PTPRT: variants seen among roughly 807,000 people sequenced by gnomAD.
PTPRT encodes the protein protein tyrosine phosphatase receptor type T, also known as receptor-type tyrosine-protein phosphatase T.
PTPRT carries 56 observed loss-of-function variants against 176.8 expected under a neutral mutation model. The observed-to-expected ratio is 0.32, with a 90% CI of 0.26 to 0.40. PTPRT has a LOEUF of 0.40. PTPRT is among the 10% of genes least tolerant of loss of function. The pLI, the probability that PTPRT is intolerant of heterozygous loss-of-function variation, is 1.00. For synonymous variants in PTPRT, 783 were observed against 739.0 expected, an observed-to-expected ratio of 1.06 and a Z score of -0.96; for missense variants, 1,540 against 1,908.2, an observed-to-expected ratio of 0.81 and a Z score of 3.60.
At chr20:42,732,884 A>G (rs1315457219) in intron 6 of PTPRT, among the ~76,000 whole-genome samples, 4 of 152,218 alleles carry the variant, frequency 2.6e-5, no homozygotes, top group Non-Finnish European at 5.9e-5. Context: ...AATACACTAC[A>G]AAAGATCCCT....
rs1274064781 is a variant in PTPRT, at chr20:42,314,171, A to G, written c.2139+1552T>C. ...ATTTCTATAAGCTCTTGGAGGGTAC[A>G]TACTACATAAACTTAATATGAACTG... is the stretch of plus-strand genomic sequence containing the variant. On this transcript the variant is annotated intron_variant, in intron 12 of 30. Coordinates refer to ENST00000373187, the MANE Select transcript of PTPRT (RefSeq NM_007050.6). Among the ~76,000 whole-genome samples the G allele has an allele frequency of 2.0e-5, 3 of 152,210 alleles. No individual in the cohort carries two copies. In the East Asian group the frequency reaches 5.8e-4, roughly 29 times the overall value.
chr20:42,558,613 C>A (rs553634556), intron 7 of PTPRT, among the ~76,000 whole-genome samples: 2 of 151,982 alleles, frequency 1.3e-5, no homozygotes, highest in South Asian at 4.2e-4. Flanking sequence ...CTTGACAAAC[C>A]CATAAAGAAG....
chr20:42,329,836 T>C (rs944304424), intron 11 of PTPRT, among the ~76,000 whole-genome samples: 5 of 152,142 alleles, frequency 3.3e-5, no homozygotes, highest in African/African-American at 9.7e-5. Flanking sequence ...TAAACATCAT[T>C]TAAAATAAAA....
intron 7 of PTPRT, among the ~76,000 whole-genome samples, chr20:42,645,043 G>A (rs2074857920): frequency 6.6e-6 from 1 of 152,138 alleles, no homozygotes; most frequent in Non-Finnish European, 1.5e-5. Flanking sequence ...TAGTAAGTCT[G>A]TAACTTCTCC....
At chr20:42,151,864 C>G (rs1241134859) in intron 17 of PTPRT, among the ~76,000 whole-genome samples, 1 of 152,166 alleles carries the variant, frequency 6.6e-6, no homozygotes, top group Admixed American at 6.5e-5. Context: ...AAAACTGGGA[C>G]CGTTTTGGGA....
At chr20:42,820,320 T>C (rs1391173470) in intron 2 of PTPRT, among the ~76,000 whole-genome samples, 1 of 152,148 alleles carries the variant, frequency 6.6e-6, no homozygotes, top group Admixed American at 6.5e-5. Context: ...GAATGACTCC[T>C]GGGTAAATAA....
chr20:42,493,707 G>GT (rs1370278713), intron 7 of PTPRT, among the ~76,000 whole-genome samples: 2 of 152,094 alleles, frequency 1.3e-5, no homozygotes, highest in African/African-American at 4.8e-5. Flanking sequence ...AAGAAGTGGT[G>GT]TGCCTTCTTA....
At chr20:42,508,198 C>CAAA (rs11480753) in intron 7 of PTPRT, among the ~76,000 whole-genome samples, 3 of 136,456 alleles carry the variant, frequency 2.2e-5, no homozygotes, top group African/African-American at 8.1e-5. Context: ...TTTAGATATG[C>CAAA]AAAAAAAAAA....
intron 2 of PTPRT, among the ~76,000 whole-genome samples, chr20:42,816,022 G>A (rs985079914): frequency 3.3e-5 from 5 of 152,028 alleles, no homozygotes; most frequent in African/African-American, 1.2e-4. Context: ...GAGTCTGGAG[G>A]AAACTTTCAG....
intron 12 of PTPRT, among the ~76,000 whole-genome samples, chr20:42,306,718 A>G (rs555292010): frequency 1.6e-4 from 24 of 152,318 alleles, no homozygotes; most frequent in Admixed American, 5.2e-4. Flanking sequence ...CTGCTGAGTT[A>G]TAGAAGCATT....
intron 1 of PTPRT, among the ~76,000 whole-genome samples, chr20:43,090,465 T>C (rs1293804891): frequency 1.3e-5 from 2 of 152,072 alleles, no homozygotes; most frequent in African/African-American, 4.8e-5. Context: ...AGACAGGGTT[T>C]CACCGTTTTA....
chr20:42,261,967 G>A (rs1305968341), intron 13 of PTPRT, among the ~76,000 whole-genome samples: 1 of 152,158 alleles, frequency 6.6e-6, no homozygotes, highest in Non-Finnish European at 1.5e-5. Context: ...GAGGAAGCAG[G>A]CAATCTATAG....
intron 17 of PTPRT, among the ~76,000 whole-genome samples, chr20:42,154,027 G>T (rs943445012): frequency 2.0e-5 from 3 of 152,172 alleles, no homozygotes; most frequent in African/African-American, 7.2e-5. Context: ...TGGAGGTGGG[G>T]TGGAGTGGAG....
At chr20:42,251,717 T>TAAA (rs5841455) in intron 13 of PTPRT, among the ~76,000 whole-genome samples, 4 of 143,584 alleles carry the variant, frequency 2.8e-5, no homozygotes, top group African/African-American at 7.9e-5. Flanking sequence ...CTGTTGTACT[T>TAAA]AAAAAACAAA....
At chr20:42,456,632 G>C (rs1230485481) in intron 8 of PTPRT, among the ~76,000 whole-genome samples, 3 of 152,012 alleles carry the variant, frequency 2.0e-5, no homozygotes, top group African/African-American at 7.2e-5. Flanking sequence ...CCCTCTCCTA[G>C]TATGTTACTG....
At chr20:42,668,989 C>T (rs968407668) in intron 7 of PTPRT, among the ~76,000 whole-genome samples, 1 of 149,984 alleles carries the variant, frequency 6.7e-6, no homozygotes, top group African/African-American at 2.5e-5. Flanking sequence ...GGATTACAGG[C>T]GTGAGTCACC....
At chr20:42,523,901 ACTTGAG>A (rs1568948638) in intron 7 of PTPRT, among the ~76,000 whole-genome samples, 1 of 152,106 alleles carries the variant, frequency 6.6e-6, no homozygotes, top group African/African-American at 2.4e-5. Context: ...CAGGAGGATC[ACTTGAG>A]CTCAGGAGTT....
At chr20:42,524,040 T>C (rs955728054) in intron 7 of PTPRT, among the ~76,000 whole-genome samples, 26 of 152,256 alleles carry the variant, frequency 1.7e-4, no homozygotes, top group South Asian at 4.1e-4. Context: ...CTAAGTAGTA[T>C]CAATACATCA....
intron 9 of PTPRT, among the ~76,000 whole-genome samples, chr20:42,434,098 G>A (rs1179685607): frequency 1.3e-5 from 2 of 151,486 alleles, no homozygotes; most frequent in East Asian, 1.9e-4. Flanking sequence ...CCATAACCAC[G>A]TCAAAGCTGT....
Sources: gnomAD v4.1 joint callset for allele counts (sites outside exome capture counted in the v4.1 genomes callset) on GRCh38, gnomAD v4.1.1 for gene constraint, MANE v1.5 for transcripts, NCBI Gene and HGNC (gene_info 2026-07-23, HGNC 2026-07-21) for gene names.